UTP20: variants seen among roughly 807,000 people sequenced by gnomAD.
UTP20 encodes the protein UTP20 small subunit processome component, also known as small subunit processome component 20 homolog.
UTP20 carries 164 observed loss-of-function variants against 329.5 expected under a neutral mutation model. The ratio of observed to expected loss-of-function variants is 0.50; its 90% CI spans 0.44 to 0.57. UTP20 has a LOEUF of 0.57. UTP20 is among the 20% of genes least tolerant of loss of function. The pLI, the probability that UTP20 is intolerant of heterozygous loss-of-function variation, is 0.00. For synonymous variants in UTP20, 1,151 were observed against 1,159.3 expected, an observed-to-expected ratio of 0.99 and a Z score of 0.14; for missense variants, 3,055 against 3,284.2, an observed-to-expected ratio of 0.93 and a Z score of 1.71.
chr12:101,343,956 A>G (rs997400168), intron 35 of UTP20, among the ~76,000 whole-genome samples: 21 of 152,238 alleles, frequency 1.4e-4, no homozygotes, highest in African/African-American at 5.1e-4. Flanking sequence ...ATTAAGTGCT[A>G]TGTTGCTGAA....
At chr12:101,337,921 C>G in intron 29 of UTP20, 130 bp from the exon 30 acceptor site, 1 of 837,324 alleles carries the variant, frequency 1.2e-6, no homozygotes, top group Non-Finnish European at 1.8e-6. Flanking sequence ...TAGATTTAAA[C>G]TAATTCCCCT....
At chr12:101,291,646 G>T in intron 8 of UTP20, 96 bp from the exon 9 acceptor site, 1 of 1,280,138 alleles carries the variant, frequency 7.8e-7, no homozygotes, top group East Asian at 2.7e-5. Context: ...CAAAGCAAGA[G>T]AATGGGAAAA....
intron 22 of UTP20, among the ~76,000 whole-genome samples, chr12:101,318,854 C>G (rs1873060431): frequency 6.8e-6 from 1 of 147,446 alleles, no homozygotes; most frequent in Non-Finnish European, 1.5e-5. Context: ...AAAAAAAGAC[C>G]CAGGGAAGGC....
intron 48 of UTP20, among the ~76,000 whole-genome samples, chr12:101,368,283 C>T (rs1350745075): frequency 6.6e-6 from 1 of 151,950 alleles, no homozygotes. Flanking sequence ...CAGACGCACA[C>T]CACCACGCCC....
At chr12:101,300,789 G>A (rs569249714) in intron 14 of UTP20, among the ~76,000 whole-genome samples, 4 of 152,284 alleles carry the variant, frequency 2.6e-5, no homozygotes, top group South Asian at 2.1e-4. Flanking sequence ...CTAAGCAGAC[G>A]TATTAGAGAA....
intron 12 of UTP20, among the ~76,000 whole-genome samples, chr12:101,298,797 T>C (rs1225765909): frequency 6.6e-6 from 1 of 152,106 alleles, no homozygotes; most frequent in Non-Finnish European, 1.5e-5. Flanking sequence ...TATCATGATT[T>C]CCAGACACTA....
intron 12 of UTP20, among the ~76,000 whole-genome samples, chr12:101,296,792 T>C (rs1872371716): frequency 6.6e-6 from 1 of 152,018 alleles, no homozygotes; most frequent in Non-Finnish European, 1.5e-5. Context: ...TATATACCTT[T>C]GTATTGTTTC....
chr12:101,355,674 A>G (rs1397778235), intron 41 of UTP20, among the ~76,000 whole-genome samples: 2 of 152,218 alleles, frequency 1.3e-5, no homozygotes, highest in Non-Finnish European at 2.9e-5. Flanking sequence ...AGCAGAGTTG[A>G]GTAACTTCAA....
intron 43 of UTP20, among the ~76,000 whole-genome samples, chr12:101,358,869 G>T (rs1052963809): frequency 1.3e-5 from 2 of 152,046 alleles, no homozygotes; most frequent in Non-Finnish European, 2.9e-5. Flanking sequence ...CCTTTCTGAT[G>T]AGTTATTCAA....
At chr12:101,325,864 C>T (rs372669060) in intron 25 of UTP20, among the ~76,000 whole-genome samples, 2 of 152,186 alleles carry the variant, frequency 1.3e-5, no homozygotes, top group Admixed American at 6.5e-5. Flanking sequence ...TTATCTGGTA[C>T]TATGAACCTG....
intron 51 of UTP20, 130 bp downstream of exon 51, chr12:101,371,298 C>CAGGTG: frequency 1.5e-6 from 1 of 665,140 alleles, no homozygotes; most frequent in Non-Finnish European, 2.3e-6. Context: ...GAGACTTGGG[C>CAGGTG]GTCCTGGTGC....
rs765182802 is a variant in UTP20, at chr12:101,308,308, G to A, written c.2119G>A (p.Val707Ile). Residue 707 changes from valine to isoleucine, a missense_variant, in exon 18 of 62, where the codon GTA becomes ATA. By Grantham distance (29) the Val-to-Ile change is conservative (BLOSUM62 3). Around this residue, in one of 3 missense-constraint regions of UTP20, gnomAD observed 2,445 missense variants for 2,575.5 expected, o/e 0.95. Transcript: ENST00000261637. ...LHLRKLRHDVVQTAVPDGPLQ... is the reference protein window; with the variant it reads ...LHLRKLRHDVIQTAVPDGPLQ... The stretch of plus-strand genomic sequence containing the variant: ...TTTGAGAAAACTAAGACATGATGTG[G>A]TACAGACTGCTGTCCCTGATGGGCC... The A allele has an allele frequency of 4.4e-6, 7 of 1,597,618 alleles. No homozygotes were observed. The Admixed American group carries it at 1.2e-4, about 27-fold the overall frequency.
In UTP20 at chr12:101,317,519, A is replaced by G; in HGVS notation, c.2594A>G (p.Gln865Arg). The change falls in exon 22 of 62, where the codon CAG becomes CGG. Residue 865 changes from glutamine to arginine, a missense_variant. By Grantham distance (43) the Gln-to-Arg change is conservative. Transcript: ENST00000261637. ...YPADLQVAPT[Q>R]DLRRKGKGMV... ...GCAGATCTGCAAGTTGCTCCAACCC[A>G]GGATCTACGGAGAAAAGGCAAAGGG... 1 of 1,614,208 alleles carries G rather than the reference A, an allele frequency of 6.2e-7. No homozygotes were observed. Among genetic ancestry groups the G allele is most frequent in the Non-Finnish European group, 8.5e-7 (1 of 1,180,026 alleles).
intron 55 of UTP20, 41 bp from the exon 56 acceptor site, chr12:101,375,583 A>G (rs977456208): frequency 1.9e-6 from 3 of 1,603,868 alleles, no homozygotes; most frequent in Non-Finnish European, 2.5e-6. Context: ...AGATACTTTC[A>G]GATTGTTGTT....
intron 43 of UTP20, among the ~76,000 whole-genome samples, chr12:101,360,562 C>CA (rs1208892096): frequency 2.0e-5 from 3 of 152,164 alleles, no homozygotes; most frequent in Non-Finnish European, 2.9e-5. Flanking sequence ...CTGTGGCTCA[C>CA]ACCTGTAATC....
Position 101,306,054 on chromosome 12 carries a change from G to A in UTP20, c.1921G>A (p.Gly641Ser). ...CAAGTTACAAGCAAACATTTCAACT[G>A]GTGTATCCAAGGTAATGGTGTTTTG... ...FPKLQANIST[G>S]VSKIRLLTIR... The change falls in exon 16 of 62, where the codon GGT (glycine) becomes AGT (serine). Residue 641 changes from glycine to serine, a missense_variant. This residue lies in a region of UTP20 where 2,445 missense variants were observed against 2,575.5 expected (regional missense o/e 0.95). Coordinates refer to ENST00000261637, the MANE Select transcript of UTP20 (RefSeq NM_014503.3). The A allele has an allele frequency of 6.2e-7, 1 of 1,612,374 alleles. No homozygotes were observed. Among genetic ancestry groups the A allele is most frequent in the Non-Finnish European group, 8.5e-7 (1 of 1,179,112 alleles).
chr12:101,337,334 T>C (rs1471553084), intron 29 of UTP20, among the ~76,000 whole-genome samples: 1 of 152,210 alleles, frequency 6.6e-6, no homozygotes, highest in African/African-American at 2.4e-5. Context: ...TGATGATAAA[T>C]TGAAAAAGGC....
intron 2 of UTP20, among the ~76,000 whole-genome samples, chr12:101,282,146 G>A (rs79657312): frequency 0.053 from 8,110 of 152,180 alleles, 599 homozygotes; most frequent in African/African-American, 0.17. Context: ...GACTCCACTC[G>A]CTGGGTCTTT....
At position 101,375,609 on chromosome 12, in the gene UTP20, C is replaced by T. The variant is rs925708306; in HGVS notation, c.7264-15C>T. 1.4e-5 allele frequency: 22 copies of T among 1,608,050 alleles called. No homozygotes were observed. Among genetic ancestry groups the T allele is most frequent in the Non-Finnish European group, 1.7e-5 (20 of 1,178,540 alleles). On this transcript the variant is annotated splice_polypyrimidine_tract_variant and intron_variant, in intron 55 of 61. Transcript: ENST00000261637. ...GATTGTTGTTTTCATTGATTTACAT[C>T]CGTCTTGTTTTTAGATCATGGAAGA...
Sources: allele counts gnomAD v4.1 joint callset (sites outside exome capture counted in the v4.1 genomes callset), GRCh38; gene constraint gnomAD v4.1.1; regional missense constraint gnomAD v4.1.1; transcripts MANE v1.5; gene names NCBI Gene and HGNC (gene_info 2026-07-23, HGNC 2026-07-21).